The following DACH2 variants were observed in gnomAD, a reference collection of about 807,000 sequenced individuals.
The protein encoded by DACH2 is dachshund homolog 2.
In DACH2, 17 loss-of-function variants were observed where a neutral mutation model predicts 35.8. The ratio of observed to expected loss-of-function variants is 0.48; its 90% confidence interval spans 0.33 to 0.71. The LOEUF (loss-of-function observed/expected upper bound fraction) is 0.71, where lower values mean the gene tolerates loss of function less well. DACH2 is among the 30% of genes least tolerant of loss of function. The probability of loss-of-function intolerance (pLI) is 0.02; values close to 1 mark genes in which losing one functional copy is unlikely to be tolerated. For synonymous variants in DACH2, 195 were observed against 177.3 expected, an observed-to-expected ratio of 1.10 and a Z score of -0.79; for missense variants, 469 against 472.7, an observed-to-expected ratio of 0.99 and a Z score of 0.07.
At chrX:86,747,882 A>C (rs1395067102) in intron 7 of DACH2, among the ~76,000 whole-genome samples, 3 of 112,158 alleles carry the variant, frequency 2.7e-5, no homozygotes, top group African/African-American at 9.7e-5. Flanking sequence ...TTCTTTCAAA[A>C]TTTGAGACAA....
chrX:86,238,735 C>T (rs1382098379), intron 1 of DACH2, among the ~76,000 whole-genome samples: 1 of 110,495 alleles, frequency 9.1e-6, no homozygotes, highest in Non-Finnish European at 1.9e-5. Flanking sequence ...CCTACCAGTA[C>T]ATAATGAAAG....
intron 3 of DACH2, among the ~76,000 whole-genome samples, chrX:86,550,153 A>C (rs1358629124): frequency 9.0e-6 from 1 of 111,708 alleles, no homozygotes; most frequent in African/African-American, 3.2e-5. Context: ...ATTCTTGGTG[A>C]TACAAAGAAA....
chrX:86,148,518 C>A lies in DACH2; in HGVS notation c.-103C>A. On this transcript the variant is annotated 5_prime_UTR_variant, in exon 1 of 12. Coordinates refer to ENST00000373125, the MANE Select transcript of DACH2 (RefSeq NM_053281.3). Reference sequence around the variant, plus strand: ...GCGAACAGTTCGGAGCCAGCGAGAGCGCGCCAGAGAGAGCGAGAGTGAGGG... The same window carrying A: ...GCGAACAGTTCGGAGCCAGCGAGAGAGCGCCAGAGAGAGCGAGAGTGAGGG... 1.1e-6 allele frequency: 1 copy of A among 950,402 alleles called. No individual in the cohort carries two copies. The highest frequency in any genetic ancestry group is 1.4e-6 in the Non-Finnish European group (1 of 708,357). 78.3% of individuals were successfully genotyped at this position (950,402 alleles called of 1,213,427 possible).
intron 1 of DACH2, among the ~76,000 whole-genome samples, chrX:86,250,743 G>A (rs780245513): frequency 9.0e-6 from 1 of 111,047 alleles, no homozygotes; most frequent in East Asian, 2.8e-4. Context: ...TTAAGTTAAT[G>A]TTGCTGATAA....
intron 1 of DACH2, among the ~76,000 whole-genome samples, chrX:86,241,632 G>T (rs1457644337): frequency 8.9e-6 from 1 of 112,482 alleles, no homozygotes; most frequent in Non-Finnish European, 1.9e-5. Flanking sequence ...ATAAATAAAA[G>T]AAGCTGAATG....
chrX:86,728,988 C>T (rs922508912), intron 6 of DACH2, among the ~76,000 whole-genome samples: 3 of 112,393 alleles, frequency 2.7e-5, no homozygotes, highest in African/African-American at 9.7e-5. Context: ...TGGGGCACTG[C>T]CTAGTGAAGC....
At chrX:86,371,439 A>T (rs2035886181) in intron 1 of DACH2, among the ~76,000 whole-genome samples, 1 of 111,035 alleles carries the variant, frequency 9.0e-6, no homozygotes, top group African/African-American at 3.3e-5. Flanking sequence ...TCTGAGAGGA[A>T]GCAAATGGTC....
At chrX:86,418,649 A>C (rs778070965) in intron 2 of DACH2, among the ~76,000 whole-genome samples, 2 of 110,453 alleles carry the variant, frequency 1.8e-5, no homozygotes, top group South Asian at 7.8e-4. Context: ...CCACAAAACC[A>C]CTTATTTTCC....
intron 2 of DACH2, among the ~76,000 whole-genome samples, chrX:86,396,162 G>GT (rs1338640981): frequency 2.7e-5 from 3 of 111,989 alleles, no homozygotes; most frequent in Non-Finnish European, 3.8e-5. Flanking sequence ...TTTTTCATGT[G>GT]TTTTTTGGCT....
At chrX:86,566,236 A>G (rs1445314074) in intron 3 of DACH2, among the ~76,000 whole-genome samples, 2 of 112,063 alleles carry the variant, frequency 1.8e-5, no homozygotes, top group African/African-American at 6.5e-5. Flanking sequence ...CTTATAGTAC[A>G]TGAATTCCAA....
At chrX:86,253,567 G>A (rs375618944) in intron 1 of DACH2, among the ~76,000 whole-genome samples, 2 of 112,197 alleles carry the variant, frequency 1.8e-5, no homozygotes, top group East Asian at 5.6e-4. Flanking sequence ...AGCATACAAA[G>A]TTCTAAACCA....
At chrX:86,767,921 G>T (rs1482645226) in intron 7 of DACH2, among the ~76,000 whole-genome samples, 1 of 111,015 alleles carries the variant, frequency 9.0e-6, no homozygotes, top group Non-Finnish European at 1.9e-5. Flanking sequence ...GGTTTTGTTT[G>T]TTTGTTTGTT....
chrX:86,822,078 A>AC, intron 11 of DACH2, among the ~76,000 whole-genome samples: 1 of 111,637 alleles, frequency 9.0e-6, no homozygotes. Flanking sequence ...CCATATGCCA[A>AC]CCCCAACCTA....
At chrX:86,729,026 A>C (rs2041502196) in intron 6 of DACH2, among the ~76,000 whole-genome samples, 2 of 111,909 alleles carry the variant, frequency 1.8e-5, no homozygotes, top group South Asian at 7.4e-4. Flanking sequence ...GGGCTCTGAG[A>C]CCCCAGAATG....
chrX:86,616,289 G>T (rs1326534769), intron 3 of DACH2, among the ~76,000 whole-genome samples: 1 of 111,875 alleles, frequency 8.9e-6, no homozygotes, highest in African/African-American at 3.2e-5. Context: ...CATGTACCCA[G>T]TACTGGGATT....
At chrX:86,294,781 C>A (rs1484410926) in intron 1 of DACH2, among the ~76,000 whole-genome samples, 2 of 109,113 alleles carry the variant, frequency 1.8e-5, no homozygotes, top group Non-Finnish European at 3.8e-5. Context: ...TGCCCGTTCT[C>A]AGATCTCCAG....
intron 3 of DACH2, among the ~76,000 whole-genome samples, chrX:86,527,080 C>A (rs778265932): frequency 9.0e-6 from 1 of 110,606 alleles, no homozygotes; most frequent in South Asian, 3.8e-4. Context: ...GAAAGGAGGG[C>A]GATTTTCTCA....
intron 1 of DACH2, among the ~76,000 whole-genome samples, chrX:86,163,806 T>G (rs1018606858): frequency 4.5e-5 from 5 of 111,936 alleles, no homozygotes; most frequent in Non-Finnish European, 9.4e-5. Context: ...TGTATCACTT[T>G]TTTTTAATCC....
At chrX:86,521,730 G>A in intron 3 of DACH2, among the ~76,000 whole-genome samples, 1 of 111,994 alleles carries the variant, frequency 8.9e-6, no homozygotes, top group East Asian at 2.8e-4. Flanking sequence ...GGAATCTGCA[G>A]AGCTCTACAT....
Sources: allele counts gnomAD v4.1 joint callset (sites outside exome capture counted in the v4.1 genomes callset), GRCh38; gene constraint gnomAD v4.1.1; transcripts MANE v1.5; gene names NCBI Gene and HGNC (gene_info 2026-07-23, HGNC 2026-07-21).